Variants in ANKS1B observed in about 807,000 individuals in gnomAD.
ANKS1B encodes the protein ankyrin repeat and sterile alpha motif domain-containing protein 1B.
In ANKS1B, 36 loss-of-function variants were observed where a neutral mutation model predicts 148.3. That is an observed-to-expected ratio of 0.24 (90% confidence interval 0.19 to 0.32). ANKS1B has a LOEUF of 0.32. Among genes scored for constraint, ANKS1B ranks in the 10% least tolerant of loss-of-function variants. ANKS1B has a pLI of 1.00. For synonymous variants in ANKS1B, 542 were observed against 560.8 expected (o/e 0.97, Z 0.47); for missense variants, 1,157 against 1,542.6 (o/e 0.75, Z 4.19).
chr12:99,517,501 T>C (rs1259042992), intron 9 of ANKS1B, among the ~76,000 whole-genome samples: 5 of 151,548 alleles, frequency 3.3e-5, no homozygotes, highest in Non-Finnish European at 7.4e-5. Flanking sequence ...GCGGATCATC[T>C]GAGGTAAGGA....
At chr12:99,268,100 T>G (rs1566773566) in intron 12 of ANKS1B, among the ~76,000 whole-genome samples, 1 of 152,208 alleles carries the variant, frequency 6.6e-6, no homozygotes, top group Non-Finnish European at 1.5e-5. Context: ...TAACACAGTA[T>G]ATAGCTCAAT....
intron 15 of ANKS1B, among the ~76,000 whole-genome samples, chr12:99,136,929 C>T (rs929195097): frequency 1.3e-5 from 2 of 152,082 alleles, no homozygotes; most frequent in Non-Finnish European, 1.5e-5. Context: ...TCTATGTAGA[C>T]CACCTGTTTT....
chr12:99,050,690 C>CTTTTTT (rs62812561), intron 17 of ANKS1B, among the ~76,000 whole-genome samples: 101 of 113,534 alleles, frequency 8.9e-4, no homozygotes, highest in South Asian at 1.2e-3. Flanking sequence ...TTTTCTTTTT[C>CTTTTTT]TTTTTTTTTT....
intron 1 of ANKS1B, among the ~76,000 whole-genome samples, chr12:99,867,794 G>GTGT (rs765873440): frequency 2.8e-4 from 43 of 152,146 alleles, no homozygotes; most frequent in East Asian, 5.8e-4. Flanking sequence ...TTCCAAATGT[G>GTGT]TGTTGTTGTT....
intron 16 of ANKS1B, among the ~76,000 whole-genome samples, chr12:99,056,562 C>A (rs1311333051): frequency 1.3e-5 from 2 of 152,096 alleles, no homozygotes; most frequent in East Asian, 3.9e-4. Context: ...GTATAAAAGC[C>A]TGTAGTGGCT....
chr12:99,193,793 CTTTTTTT>C (rs34024548), intron 14 of ANKS1B, among the ~76,000 whole-genome samples: 3 of 66,800 alleles, frequency 4.5e-5, no homozygotes, highest in Non-Finnish European at 7.9e-5. Flanking sequence ...ATTTCTAGTT[CTTTTTTT>C]TTTTTTTTTT....
chr12:98,865,091 T>C (rs1595799927), intron 17 of ANKS1B, among the ~76,000 whole-genome samples: 1 of 152,298 alleles, frequency 6.6e-6, no homozygotes, highest in East Asian at 1.9e-4. Flanking sequence ...TACATATTCA[T>C]AATGGTTGAC....
chr12:99,825,921 G>A lies in ANKS1B; in HGVS notation c.135-532C>T, dbSNP rs190028756. 4.6e-5 allele frequency among the ~76,000 whole-genome samples: 7 copies of A among 152,258 alleles called. No individual in the cohort carries two copies. In the South Asian group the frequency reaches 6.2e-4, roughly 14 times the overall value. On this transcript the variant is annotated intron_variant, in intron 1 of 26. Transcript: ENST00000683438. Reference sequence around the variant, plus strand: ...GAAAATAAAATTGAAGATTTGGACTGTTGTAAACCATGAGAAGATCCTAAC... The same window carrying A: ...GAAAATAAAATTGAAGATTTGGACTATTGTAAACCATGAGAAGATCCTAAC...
intron 9 of ANKS1B, among the ~76,000 whole-genome samples, chr12:99,534,710 C>CTTTTTTTTTTTTTTTTTTTTT (rs143251962): frequency 8.1e-6 from 1 of 123,832 alleles, no homozygotes; most frequent in Non-Finnish European, 1.7e-5. Context: ...TTTTTCTTTT[C>CTTTTTTTTTTTTTTTTTTTTT]TTTTTTTTTT....
Position 98,793,881 on chromosome 12 carries a change from G to A in ANKS1B, c.3342+5053C>T, listed in dbSNP as rs114629602. ...AGCCCCAGGGCAAAATTCAGGGTTC[G>A]GGATGGGGTATGGGTAAGCCTAGGG... is the stretch of plus-strand genomic sequence containing the variant. On this transcript the variant is annotated intron_variant, in intron 22 of 26. Coordinates refer to ENST00000683438, the MANE Select transcript of ANKS1B (RefSeq NM_001352186.2). Among the ~76,000 whole-genome samples the A allele has an allele frequency of 1.1e-3, 167 of 152,304 alleles. 1 individual carries two copies. Among genetic ancestry groups the A allele is most frequent in the African/African-American group, 3.7e-3 (152 of 41,562 alleles).
intron 17 of ANKS1B, among the ~76,000 whole-genome samples, chr12:98,897,195 A>G (rs11109657): frequency 0.057 from 8,645 of 152,186 alleles, 646 homozygotes; most frequent in African/African-American, 0.18. Context: ...CTGAAGCCCC[A>G]TTCAGCAAAA....
intron 1 of ANKS1B, among the ~76,000 whole-genome samples, chr12:99,925,092 G>C (rs573099775): frequency 6.6e-6 from 1 of 152,240 alleles, no homozygotes; most frequent in African/African-American, 2.4e-5. Context: ...GGGTGGCTGG[G>C]GGCTGGCTTA....
chr12:99,217,179 C>A (rs1296854638), intron 14 of ANKS1B, among the ~76,000 whole-genome samples: 2 of 152,124 alleles, frequency 1.3e-5, no homozygotes, highest in Admixed American at 1.3e-4. Flanking sequence ...TCTGTTACAG[C>A]ACTAAAAAAT....
At chr12:99,718,962 TC>T (rs2153550674) in intron 8 of ANKS1B, among the ~76,000 whole-genome samples, 1 of 152,256 alleles carries the variant, frequency 6.6e-6, no homozygotes, top group African/African-American at 2.4e-5. Context: ...ACACGTGCTC[TC>T]CCTGCTGATT....
intron 12 of ANKS1B, among the ~76,000 whole-genome samples, chr12:99,334,826 C>A (rs1306410155): frequency 2.0e-5 from 3 of 151,974 alleles, no homozygotes. Context: ...GAGACTAGTT[C>A]CTCATGCAAA....
intron 1 of ANKS1B, among the ~76,000 whole-genome samples, chr12:99,828,137 C>T (rs1041482189): frequency 1.2e-4 from 18 of 152,038 alleles, no homozygotes; most frequent in Non-Finnish European, 2.1e-4. Context: ...TTAAATACTA[C>T]GACATTGGTT....
chr12:99,909,070 T>C (rs1200665773), intron 1 of ANKS1B, among the ~76,000 whole-genome samples: 1 of 144,054 alleles, frequency 6.9e-6, no homozygotes, highest in African/African-American at 2.5e-5. Flanking sequence ...TATATTCAAC[T>C]TTTTTTTTAG....
At chr12:99,970,591 C>A (rs552652774) in intron 1 of ANKS1B, among the ~76,000 whole-genome samples, 1 of 151,638 alleles carries the variant, frequency 6.6e-6, no homozygotes, top group African/African-American at 2.4e-5. Context: ...CTCCTTAGGG[C>A]AACACACAAG....
intron 1 of ANKS1B, among the ~76,000 whole-genome samples, chr12:99,832,351 G>A (rs1007368394): frequency 3.9e-5 from 6 of 152,174 alleles, no homozygotes; most frequent in Admixed American, 3.3e-4. Flanking sequence ...ACTTTGGGTG[G>A]CTGAGGCGGG....
Sources: gnomAD v4.1 joint callset for allele counts (sites outside exome capture counted in the v4.1 genomes callset) on GRCh38, gnomAD v4.1.1 for gene constraint, MANE v1.5 for transcripts, NCBI Gene and HGNC (gene_info 2026-07-23, HGNC 2026-07-21) for gene names.